ZDHHC17: variants seen among roughly 807,000 people sequenced by gnomAD.
ZDHHC17 encodes the protein zDHHC palmitoyltransferase 17, also known as palmitoyltransferase ZDHHC17.
In ZDHHC17, 40 loss-of-function variants were observed where a neutral mutation model predicts 90.3. The ratio of observed to expected loss-of-function variants is 0.44; its 90% CI spans 0.34 to 0.58. The LOEUF (loss-of-function observed/expected upper bound fraction) is 0.58, where lower values mean the gene tolerates loss of function less well. Among genes scored for constraint, ZDHHC17 ranks in the 20% least tolerant of loss-of-function variants. The probability of loss-of-function intolerance (pLI) is 0.01; values close to 1 mark genes in which losing one functional copy is unlikely to be tolerated. For missense variants in ZDHHC17, 614 were observed against 780.8 expected, an observed-to-expected ratio of 0.79 and a Z score of 2.55; for synonymous variants, 235 against 252.4, an observed-to-expected ratio of 0.93 and a Z score of 0.65.
rs1472131711 is a variant in ZDHHC17, at chr12:76,764,208, C to A, written c.-29C>A. 3 of 1,546,176 alleles carry A rather than the reference C, an allele frequency of 1.9e-6. No individual in the cohort carries two copies. Among genetic ancestry groups the A allele is most frequent in the Non-Finnish European group, 2.6e-6 (3 of 1,143,628 alleles). On this transcript the variant is annotated 5_prime_UTR_variant, in exon 1 of 17. Coordinates refer to ENST00000426126, the MANE Select transcript of ZDHHC17 (RefSeq NM_015336.4). ...CGCTCGCCCTCCGCCTCGCCCGAGC[C>A]CCGGGAGGGTGAAACGCTTTCTCCC...
At chr12:76,805,716 CCTA>C (rs1170548015) in intron 3 of ZDHHC17, among the ~76,000 whole-genome samples, 2 of 152,184 alleles carry the variant, frequency 1.3e-5, no homozygotes, top group Admixed American at 6.5e-5. Context: ...TTGTTACTGT[CCTA>C]CTGCTGGCAA....
intron 1 of ZDHHC17, among the ~76,000 whole-genome samples, chr12:76,781,061 G>A (rs1952619035): frequency 1.3e-5 from 2 of 151,096 alleles, no homozygotes; most frequent in Admixed American, 1.3e-4. Context: ...GTGAACCCGG[G>A]AGGCGGAGCT....
At chr12:76,798,865 G>A (rs1952853887) in intron 2 of ZDHHC17, among the ~76,000 whole-genome samples, 2 of 152,098 alleles carry the variant, frequency 1.3e-5, no homozygotes. Context: ...GTACCAAAGG[G>A]ATGGTGCCAA....
At chr12:76,780,546 T>A (rs1223511628) in intron 1 of ZDHHC17, among the ~76,000 whole-genome samples, 1 of 152,234 alleles carries the variant, frequency 6.6e-6, no homozygotes, top group African/African-American at 2.4e-5. Context: ...CCGCCCAACT[T>A]CTTTGTAATA....
chr12:76,846,771 G>C (rs919600065), intron 14 of ZDHHC17, 92 bp downstream of exon 14: 1 of 1,150,150 alleles, frequency 8.7e-7, no homozygotes, highest in Admixed American at 2.4e-5. Context: ...AATGACAAAG[G>C]TCGTTTAACT....
chr12:76,833,559 G>A (rs4318021), intron 10 of ZDHHC17, among the ~76,000 whole-genome samples: 91,066 of 151,906 alleles, frequency 0.6, 27,342 homozygotes, highest in East Asian at 0.67. Flanking sequence ...TTGGGAGGCC[G>A]AGGCAGGCGG....
intron 12 of ZDHHC17, among the ~76,000 whole-genome samples, chr12:76,843,232 T>G (rs1953455630): frequency 6.6e-6 from 1 of 152,182 alleles, no homozygotes; most frequent in Non-Finnish European, 1.5e-5. Context: ...CTTTTCTCGC[T>G]TAAAATGTTA....
chr12:76,812,831 C>T (rs905048351), intron 5 of ZDHHC17, among the ~76,000 whole-genome samples: 1 of 151,950 alleles, frequency 6.6e-6, no homozygotes, highest in Non-Finnish European at 1.5e-5. Flanking sequence ...ATTTAGTGCT[C>T]ACTACCAATT....
At chr12:76,801,433 C>T (rs965942562) in intron 2 of ZDHHC17, among the ~76,000 whole-genome samples, 7 of 151,564 alleles carry the variant, frequency 4.6e-5, no homozygotes, top group Non-Finnish European at 1.0e-4. Context: ...GCGGGTGGAT[C>T]ACAAGGTCAG....
At chr12:76,805,252 A>G (rs1952941774) in intron 2 of ZDHHC17, 65 bp from the exon 3 acceptor site, 7 of 1,377,174 alleles carry the variant, frequency 5.1e-6, no homozygotes, top group East Asian at 2.6e-5. Flanking sequence ...TCATCTCAAA[A>G]TGTTATTTTT....
At chr12:76,808,558 A>G (rs1011232969) in intron 3 of ZDHHC17, among the ~76,000 whole-genome samples, 2 of 152,338 alleles carry the variant, frequency 1.3e-5, no homozygotes, top group Middle Eastern at 3.4e-3. Flanking sequence ...CTTTTCAAGC[A>G]ACATGGCTTT....
chr12:76,771,571 T>C (rs1180984007), intron 1 of ZDHHC17, among the ~76,000 whole-genome samples: 1 of 152,202 alleles, frequency 6.6e-6, no homozygotes, highest in Non-Finnish European at 1.5e-5. Flanking sequence ...TTATCAGTTG[T>C]TGTATTCTAG....
intron 10 of ZDHHC17, among the ~76,000 whole-genome samples, chr12:76,828,702 G>A (rs1011286774): frequency 1.3e-5 from 2 of 152,074 alleles, no homozygotes; most frequent in African/African-American, 4.8e-5. Flanking sequence ...ATAAATAATA[G>A]TAGCTATCAT....
At chr12:76,773,745 A>G (rs1017818252) in intron 1 of ZDHHC17, among the ~76,000 whole-genome samples, 1 of 152,234 alleles carries the variant, frequency 6.6e-6, no homozygotes, top group African/African-American at 2.4e-5. Flanking sequence ...TTTACAATAT[A>G]GTAGAAAAAC....
At chr12:76,811,403 G>C (rs1447148506) in intron 5 of ZDHHC17, among the ~76,000 whole-genome samples, 1 of 152,076 alleles carries the variant, frequency 6.6e-6, no homozygotes, top group East Asian at 1.9e-4. Flanking sequence ...TTTTAACTGG[G>C]AAAGAAAGGT....
intron 8 of ZDHHC17, among the ~76,000 whole-genome samples, chr12:76,824,458 T>C (rs1953206753): frequency 6.6e-6 from 1 of 152,170 alleles, no homozygotes; most frequent in Admixed American, 6.5e-5. Context: ...TCTGTAATTA[T>C]GTAGACTGTT....
chr12:76,816,061 TA>T, intron 7 of ZDHHC17, 42 bp downstream of exon 7: 1 of 1,375,214 alleles, frequency 7.3e-7, no homozygotes, highest in Non-Finnish European at 9.5e-7. Context: ...GAAATGTGGC[TA>T]ATATGTGAAT....
chr12:76,822,498 T>C lies in ZDHHC17; in HGVS notation c.864T>C (p.Asn288=). Residue 288 remains asparagine (N), a synonymous_variant, in exon 8 of 17, where the codon AAT becomes AAC. Transcript: ENST00000426126. Reference sequence around the variant, plus strand: ...CAAGGCAAGCAAAAGGATATGACAATCCGTCCTTCCTTAGAAAGCTGAAAG... The same window carrying C: ...CAAGGCAAGCAAAAGGATATGACAACCCGTCCTTCCTTAGAAAGCTGAAAG... ...QEARQAKGYD[N]PSFLRKLKAD... is the part of the protein sequence containing the mutation. The C allele has an allele frequency of 1.2e-6, 2 of 1,608,940 alleles. No homozygotes were observed.
At chr12:76,831,829 A>G (rs1485002969) in intron 10 of ZDHHC17, among the ~76,000 whole-genome samples, 1 of 152,032 alleles carries the variant, frequency 6.6e-6, no homozygotes, top group Non-Finnish European at 1.5e-5. Context: ...GTATTTTTGT[A>G]GAGACTGAGT....
Sources: allele counts gnomAD v4.1 joint callset (sites outside exome capture counted in the v4.1 genomes callset), GRCh38; gene constraint gnomAD v4.1.1; transcripts MANE v1.5; gene names NCBI Gene and HGNC (gene_info 2026-07-23, HGNC 2026-07-21).